OGDH: variants seen among roughly 807,000 people sequenced by gnomAD.
OGDH encodes the protein 2-oxoglutarate dehydrogenase complex component E1.
A neutral mutation model predicts 116.6 loss-of-function variants in OGDH; 38 were observed. The observed-to-expected ratio is 0.33, with a 90% CI of 0.25 to 0.43. The LOEUF is 0.43. Among genes scored for constraint, OGDH ranks in the 20% least tolerant of loss-of-function variants. The probability of loss-of-function intolerance (pLI) is 1.00; values close to 1 mark genes in which losing one functional copy is unlikely to be tolerated. For synonymous variants in OGDH, 488 were observed against 533.3 expected (o/e 0.92, Z 1.17); for missense variants, 825 against 1,357.2 (o/e 0.61, Z 6.16).
chr7:44,656,342 T>C (rs1238396990), intron 4 of OGDH: 1 of 1,536,022 alleles, frequency 6.5e-7, no homozygotes, highest in South Asian at 1.2e-5. Context: ...AAGGAACGAC[T>C]TCGAATGCTA....
intron 2 of OGDH, among the ~76,000 whole-genome samples, chr7:44,640,745 A>G (rs888767598): frequency 1.3e-5 from 2 of 152,144 alleles, no homozygotes; most frequent in Non-Finnish European, 2.9e-5. Flanking sequence ...TTTGAGGGTC[A>G]TGCCCTATCC....
chr7:44,674,653 C>T, intron 7 of OGDH, 96 bp downstream of exon 7: 1 of 1,362,872 alleles, frequency 7.3e-7, no homozygotes, highest in Non-Finnish European at 1.0e-6. Flanking sequence ...GCTGTTTCCT[C>T]CTTGAGTGCC....
intron 1 of OGDH, among the ~76,000 whole-genome samples, chr7:44,621,505 C>T (rs539675169): frequency 1.7e-4 from 26 of 152,248 alleles, no homozygotes; most frequent in African/African-American, 2.2e-4. Context: ...CTGTCCTGGC[C>T]GTTCCTGGGT....
intron 9 of OGDH, among the ~76,000 whole-genome samples, chr7:44,681,398 C>T (rs1787923007): frequency 6.6e-6 from 1 of 152,120 alleles, no homozygotes; most frequent in African/African-American, 2.4e-5. Flanking sequence ...GGTCTGGGGC[C>T]AATGGCTAAG....
chr7:44,699,751 G>C (rs1788747492), intron 18 of OGDH, among the ~76,000 whole-genome samples: 1 of 152,192 alleles, frequency 6.6e-6, no homozygotes, highest in African/African-American at 2.4e-5. Flanking sequence ...TCACAGTTCT[G>C]TAGGCTGTAC....
intron 9 of OGDH, among the ~76,000 whole-genome samples, chr7:44,680,297 G>A (rs1014633454): frequency 6.6e-6 from 1 of 152,122 alleles, no homozygotes; most frequent in Non-Finnish European, 1.5e-5. Context: ...CTGTCTCTCT[G>A]GAGAGCTCTG....
Position 44,696,028 on chromosome 7 carries a change from G to A in OGDH, c.1672G>A (p.Glu558Lys). ...TGTGTTGTGCCCAACCCTCCAGGAG[G>A]AAATTTCCAAGTATGATAAGATCTG... ...GVVNQPEYEE[E>K]ISKYDKICEE... is the part of the protein sequence containing the mutation. Residue 558 changes from glutamate (E) to lysine (K), a missense_variant, in exon 13 of 23, where the codon GAA becomes AAA. Coordinates refer to ENST00000222673, the MANE Select transcript of OGDH (RefSeq NM_002541.4). 3 of 1,598,318 alleles carry A rather than the reference G, an allele frequency of 1.9e-6. No homozygotes were observed. Among genetic ancestry groups the A allele is most frequent in the Non-Finnish European group, 2.6e-6 (3 of 1,165,818 alleles).
At chr7:44,699,600 G>A (rs1430497485) in intron 18 of OGDH, among the ~76,000 whole-genome samples, 1 of 152,162 alleles carries the variant, frequency 6.6e-6, no homozygotes, top group Non-Finnish European at 1.5e-5. Context: ...TCCAGGGTAT[G>A]AGGCTGGCCG....
At chr7:44,682,566 G>A (rs188514526) in intron 10 of OGDH, among the ~76,000 whole-genome samples, 21 of 151,354 alleles carry the variant, frequency 1.4e-4, no homozygotes, top group African/African-American at 3.4e-4. Context: ...TTGGTGGCGC[G>A]CACTTGTAAT....
chr7:44,702,348 G>C (rs945871082), intron 20 of OGDH, among the ~76,000 whole-genome samples: 1 of 152,128 alleles, frequency 6.6e-6, no homozygotes, highest in African/African-American at 2.4e-5. Flanking sequence ...AACACTGGAC[G>C]GCAGGTCCTG....
chr7:44,622,334 G>C (rs1051248445), intron 1 of OGDH, among the ~76,000 whole-genome samples: 1 of 152,082 alleles, frequency 6.6e-6, no homozygotes, highest in Non-Finnish European at 1.5e-5. Context: ...AAGAACTACC[G>C]AATTAACTTA....
intron 19 of OGDH, among the ~76,000 whole-genome samples, chr7:44,700,674 G>A (rs1425870555): frequency 6.6e-6 from 1 of 152,164 alleles, no homozygotes; most frequent in Non-Finnish European, 1.5e-5. Context: ...GTGTTGAAGG[G>A]TGAGTAGAAG....
chr7:44,684,153 T>C (rs1363456214), intron 10 of OGDH, among the ~76,000 whole-genome samples: 2 of 151,948 alleles, frequency 1.3e-5, no homozygotes, highest in African/African-American at 4.8e-5. Context: ...TCTGAAGGAG[T>C]GGACAAGGCC....
At chr7:44,704,007 T>C (rs1296871027) in intron 20 of OGDH, among the ~76,000 whole-genome samples, 1 of 152,242 alleles carries the variant, frequency 6.6e-6, no homozygotes, top group Non-Finnish European at 1.5e-5. Context: ...TTAGAGGAGC[T>C]GCTATGAACA....
chr7:44,609,319 A>G (rs888727117), intron 1 of OGDH, among the ~76,000 whole-genome samples: 1 of 139,126 alleles, frequency 7.2e-6, no homozygotes, highest in Non-Finnish European at 1.5e-5. Context: ...TCTGAGGAAC[A>G]TAGTGAGACC....
intron 10 of OGDH, among the ~76,000 whole-genome samples, chr7:44,682,819 C>T (rs2116243107): frequency 6.6e-6 from 1 of 152,050 alleles, no homozygotes; most frequent in Non-Finnish European, 1.5e-5. Context: ...TGCCACTGCA[C>T]TCTAGTCTGG....
At chr7:44,677,950 T>C (rs764146586) in intron 9 of OGDH, among the ~76,000 whole-genome samples, 8 of 152,130 alleles carry the variant, frequency 5.3e-5, no homozygotes, top group Non-Finnish European at 8.8e-5. Flanking sequence ...ACTGTAAATC[T>C]ACTACTGTCA....
At chr7:44,648,366 G>T (rs1786284382) in intron 4 of OGDH, among the ~76,000 whole-genome samples, 1 of 152,194 alleles carries the variant, frequency 6.6e-6, no homozygotes, top group Non-Finnish European at 1.5e-5. Flanking sequence ...TGTCACGGTT[G>T]CCAGAAGATA....
At chr7:44,637,227 TTC>T (rs975315342) in intron 2 of OGDH, among the ~76,000 whole-genome samples, 4 of 152,198 alleles carry the variant, frequency 2.6e-5, no homozygotes, top group Non-Finnish European at 5.9e-5. Flanking sequence ...GCCAAATGTC[TTC>T]TCTCTCCTCC....
Sources: allele counts gnomAD v4.1 joint callset (sites outside exome capture counted in the v4.1 genomes callset), GRCh38; gene constraint gnomAD v4.1.1; transcripts MANE v1.5; gene names NCBI Gene and HGNC (gene_info 2026-07-23, HGNC 2026-07-21).